The following DCC variants were observed in gnomAD, a reference collection of about 807,000 sequenced individuals.
The protein encoded by DCC is netrin receptor DCC.
A neutral mutation model predicts 172.5 loss-of-function variants in DCC; 58 were observed. The observed-to-expected ratio is 0.34, with a 90% confidence interval of 0.27 to 0.42. The LOEUF (loss-of-function observed/expected upper bound fraction) is 0.42, where lower values mean the gene tolerates loss of function less well. Among genes scored for constraint, DCC ranks in the 10% least tolerant of loss-of-function variants. The pLI is 1.00. For missense variants in DCC, 1,740 were observed against 1,791.0 expected (o/e 0.97, Z 0.51); for synonymous variants, 709 against 644.5 (o/e 1.10, Z -1.52).
At chr18:52,991,409 A>C (rs555861852) in intron 5 of DCC, among the ~76,000 whole-genome samples, 4 of 152,312 alleles carry the variant, frequency 2.6e-5, no homozygotes, top group African/African-American at 9.6e-5. Flanking sequence ...GGCAGATTGA[A>C]GGGCGTATTA....
intron 13 of DCC, among the ~76,000 whole-genome samples, chr18:53,306,254 G>T (rs1417908735): frequency 6.6e-6 from 1 of 152,146 alleles, no homozygotes; most frequent in East Asian, 1.9e-4. Context: ...GACCCAGTTT[G>T]CATGTAAAGA....
intron 12 of DCC, among the ~76,000 whole-genome samples, chr18:53,240,518 A>G (rs542837164): frequency 1.3e-5 from 2 of 152,280 alleles, no homozygotes; most frequent in South Asian, 2.1e-4. Flanking sequence ...TTTGTAGACA[A>G]TGTATTAAAA....
chr18:52,818,497 C>T (rs908096305), intron 2 of DCC, among the ~76,000 whole-genome samples: 1 of 151,372 alleles, frequency 6.6e-6, no homozygotes, highest in Non-Finnish European at 1.5e-5. Flanking sequence ...GCAATTAGAG[C>T]CATTTGTAAA....
At chr18:53,391,078 G>A (rs977669681) in intron 16 of DCC, among the ~76,000 whole-genome samples, 1 of 152,160 alleles carries the variant, frequency 6.6e-6, no homozygotes, top group African/African-American at 2.4e-5. Context: ...CACACAGGTT[G>A]CTGTGGATGT....
chr18:52,832,796 G>A (rs2038640154), intron 2 of DCC, among the ~76,000 whole-genome samples: 1 of 152,106 alleles, frequency 6.6e-6, no homozygotes, highest in Non-Finnish European at 1.5e-5. Flanking sequence ...AGTGGCACAT[G>A]TTCATATGGT....
At chr18:52,596,799 C>A (rs2033918246) in intron 1 of DCC, among the ~76,000 whole-genome samples, 1 of 152,196 alleles carries the variant, frequency 6.6e-6, no homozygotes, top group African/African-American at 2.4e-5. Context: ...ACAGCTAGAG[C>A]CAAATCCTTC....
chr18:53,312,153 CA>C (rs895203731), intron 13 of DCC, among the ~76,000 whole-genome samples: 562 of 26,712 alleles, frequency 0.021, 6 homozygotes, highest in Admixed American at 0.03. Context: ...GCTAAAAATA[CA>C]AAAAAAAAAA....
intron 1 of DCC, among the ~76,000 whole-genome samples, chr18:52,652,711 AGTGTGTGTGTGT>A (rs71175513): frequency 7.0e-6 from 1 of 143,344 alleles, no homozygotes; most frequent in Non-Finnish European, 1.5e-5. Flanking sequence ...ACTGCAATAA[AGTGTGTGTGTGT>A]GTGTGTGTGT....
intron 2 of DCC, among the ~76,000 whole-genome samples, chr18:52,799,696 G>A (rs1179435047): frequency 6.6e-6 from 1 of 151,852 alleles, no homozygotes; most frequent in Non-Finnish European, 1.5e-5. Context: ...CCAAGTGCTA[G>A]GTTGGTTACT....
intron 5 of DCC, among the ~76,000 whole-genome samples, chr18:53,056,812 T>G (rs1419226375): frequency 6.6e-6 from 1 of 152,024 alleles, no homozygotes; most frequent in Non-Finnish European, 1.5e-5. Flanking sequence ...TGTTCATCAA[T>G]CTGGTTTTTT....
At chr18:52,718,334 T>C (rs886162526) in intron 1 of DCC, among the ~76,000 whole-genome samples, 1 of 152,238 alleles carries the variant, frequency 6.6e-6, no homozygotes, top group African/African-American at 2.4e-5. Flanking sequence ...GATAATTGAA[T>C]AAAATTATGT....
Position 53,385,067 on chromosome 18 carries a change from G to A in DCC, c.2360-976G>A, listed in dbSNP as rs563656954. 9.6e-5 allele frequency among the ~76,000 whole-genome samples: 14 copies of A among 145,158 alleles called. 1 individual carries two copies. In the Middle Eastern group the frequency reaches 0.018, roughly 183 times the overall value. Reference sequence around the variant, plus strand: ...TTTTTAGTAGAGACGGGGTTTCACCGTGTTAGCCAGGATGCTCAATACATT... The same window carrying A: ...TTTTTAGTAGAGACGGGGTTTCACCATGTTAGCCAGGATGCTCAATACATT... On this transcript the variant is annotated intron_variant, in intron 15 of 28. Transcript: ENST00000442544.
chr18:52,941,331 G>T (rs980294817), intron 5 of DCC, among the ~76,000 whole-genome samples: 17 of 152,194 alleles, frequency 1.1e-4, no homozygotes, highest in African/African-American at 4.1e-4. Flanking sequence ...TAAAAGGGAA[G>T]CTGTAGATTA....
In DCC at chr18:52,998,099, A is replaced by T. The variant is rs556125969; in HGVS notation, c.986-65206A>T. Among the ~76,000 whole-genome samples, 9 of 148,920 alleles carry T rather than the reference A, an allele frequency of 6.0e-5. No individual in the cohort carries two copies. In the South Asian group the frequency reaches 2.1e-3, roughly 34 times the overall value. On this transcript the variant is annotated intron_variant, in intron 5 of 28. Transcript: ENST00000442544. ...GCACATGGCAATTAAAATTAAAATTAAAATTAAATTAAAAGTTGAGTTTTT... is the reference window on the plus strand; with the variant it reads ...GCACATGGCAATTAAAATTAAAATTTAAATTAAATTAAAAGTTGAGTTTTT...
intron 26 of DCC, among the ~76,000 whole-genome samples, chr18:53,495,263 G>A (rs1215724779): frequency 6.6e-6 from 1 of 151,760 alleles, no homozygotes; most frequent in East Asian, 1.9e-4. Flanking sequence ...ATGGTGGTGG[G>A]CACCTGTAAT....
In DCC at chr18:53,438,342, C is replaced by G. The variant is rs150559193; in HGVS notation, c.3229+3133C>G. On this transcript the variant is annotated intron_variant, in intron 22 of 28. Transcript: ENST00000442544. ...GGCTTAAAGCTTGGGCAAATGTAAG[C>G]CACAGACACAAAACTATGTACTCTC... is the stretch of plus-strand genomic sequence containing the variant. Among the ~76,000 whole-genome samples the G allele has an allele frequency of 6.6e-3, 1,009 of 152,222 alleles. 14 individuals are homozygous for G. Among genetic ancestry groups the G allele is most frequent in the African/African-American group, 0.023 (960 of 41,534 alleles).
At chr18:52,662,347 G>A (rs1024894633) in intron 1 of DCC, among the ~76,000 whole-genome samples, 1 of 152,072 alleles carries the variant, frequency 6.6e-6, no homozygotes, top group African/African-American at 2.4e-5. Context: ...AATGATAATA[G>A]AAACAATCCA....
At position 53,101,734 on chromosome 18, in the gene DCC, A is replaced by C. The variant is rs186546308; in HGVS notation, c.1261+35568A>C. Reference sequence around the variant, plus strand: ...TGATTCTGAGACACAGTTTGTCTTTACTAGAGATGCCATCAAGGTTCTGGT... The same window carrying C: ...TGATTCTGAGACACAGTTTGTCTTTCCTAGAGATGCCATCAAGGTTCTGGT... On this transcript the variant is annotated intron_variant, in intron 7 of 28. Coordinates refer to ENST00000442544, the MANE Select transcript of DCC (RefSeq NM_005215.4). 3.9e-5 allele frequency among the ~76,000 whole-genome samples: 6 copies of C among 152,066 alleles called. No homozygotes were observed. The East Asian group carries it at 1.2e-3, about 30-fold the overall frequency.
intron 1 of DCC, among the ~76,000 whole-genome samples, chr18:52,598,619 G>A (rs1333395456): frequency 6.6e-6 from 1 of 152,150 alleles, no homozygotes; most frequent in Non-Finnish European, 1.5e-5. Flanking sequence ...AAGGAGCTCA[G>A]GCTCTATTCT....
Sources: allele counts gnomAD v4.1 joint callset (sites outside exome capture counted in the v4.1 genomes callset), GRCh38; gene constraint gnomAD v4.1.1; transcripts MANE v1.5; gene names NCBI Gene and HGNC (gene_info 2026-07-23, HGNC 2026-07-21).